Variants in COP1 observed in about 807,000 individuals in gnomAD.
The protein encoded by COP1 is COP1 E3 ubiquitin ligase.
A neutral mutation model predicts 101.3 loss-of-function variants in COP1; 24 were observed. The observed-to-expected ratio is 0.24, with a 90% CI of 0.17 to 0.33. The LOEUF is 0.33. Ranked by LOEUF, COP1 falls within the 10% of genes least tolerant of loss-of-function variation. COP1 has a pLI of 1.00. For missense variants in COP1, 663 were observed against 906.2 expected (o/e 0.73, Z 3.45); for synonymous variants, 347 against 341.9 (o/e 1.01, Z -0.17).
intron 2 of COP1, among the ~76,000 whole-genome samples, chr1:176,180,634 T>C (rs1697614132): frequency 6.6e-6 from 1 of 152,230 alleles, no homozygotes; most frequent in African/African-American, 2.4e-5. Context: ...TATAGATGTA[T>C]ATGGTTGTTT....
intron 15 of COP1, among the ~76,000 whole-genome samples, chr1:176,012,092 GA>G (rs1664788071): frequency 6.6e-6 from 1 of 152,206 alleles, no homozygotes; most frequent in Non-Finnish European, 1.5e-5. Flanking sequence ...GTTGAGGCAG[GA>G]GGACTGCTTG....
At chr1:175,978,207 A>T (rs540468573) in intron 18 of COP1, among the ~76,000 whole-genome samples, 7 of 152,224 alleles carry the variant, frequency 4.6e-5, no homozygotes, top group Non-Finnish European at 1.0e-4. Context: ...AGATTGGCAT[A>T]CACAGAACAC....
chr1:176,032,027 G>C (rs1459598130), intron 14 of COP1, among the ~76,000 whole-genome samples: 1 of 152,164 alleles, frequency 6.6e-6, no homozygotes, highest in Non-Finnish European at 1.5e-5. Context: ...ATGTCTATTT[G>C]CACCAAAGTA....
intron 12 of COP1, among the ~76,000 whole-genome samples, chr1:176,044,541 C>T (rs1006127452): frequency 6.6e-6 from 1 of 152,186 alleles, no homozygotes; most frequent in Non-Finnish European, 1.5e-5. Context: ...TGCATTGATG[C>T]TAAATTCCAG....
intron 8 of COP1, among the ~76,000 whole-genome samples, chr1:176,131,838 T>A (rs545650736): frequency 6.6e-6 from 1 of 151,878 alleles, no homozygotes; most frequent in Non-Finnish European, 1.5e-5. Context: ...TTGAGTGATA[T>A]TCACATCACT....
Position 176,206,815 on chromosome 1 carries a change from G to T in COP1, c.164C>A (p.Ala55Asp), listed in dbSNP as rs1165378081. The T allele has an allele frequency of 5.8e-6, 8 of 1,390,132 alleles. No individual in the cohort carries two copies. The allele number at this position is 1,390,132 out of a possible 1,614,324, so 86.1% of individuals were successfully genotyped here. A position where few individuals can be genotyped will look rare whatever the true frequency, so the allele number is the denominator to read the frequency against. Reference sequence around the variant, plus strand: ...GCCCCCGAGGCCGCCCGAGCCGGCGGCCTGGGCCACCCCGCCGGACACCAG... The same window carrying T: ...GCCCCCGAGGCCGCCCGAGCCGGCGTCCTGGGCCACCCCGCCGGACACCAG... Reference protein sequence around the residue: ...AALVSGGVAQAAGSGGLGGPV... With the variant: ...AALVSGGVAQDAGSGGLGGPV... The change falls in exon 1 of 20, where the codon GCC becomes GAC. Residue 55 changes from alanine to aspartate, a missense_variant. Around this residue, in one of 4 missense-constraint regions of COP1, gnomAD observed 204 missense variants for 203.6 expected, o/e 1.00. Coordinates refer to ENST00000367669, the MANE Select transcript of COP1 (RefSeq NM_022457.7).
chr1:176,131,236 A>G (rs1349688627), intron 8 of COP1, among the ~76,000 whole-genome samples: 1 of 151,850 alleles, frequency 6.6e-6, no homozygotes, highest in Admixed American at 6.6e-5. Flanking sequence ...AAGAAACATC[A>G]TATTTCTGGC....
At chr1:175,991,694 C>T (rs922559427) in intron 15 of COP1, among the ~76,000 whole-genome samples, 1 of 152,082 alleles carries the variant, frequency 6.6e-6, no homozygotes, top group Non-Finnish European at 1.5e-5. Flanking sequence ...TTTACATTTC[C>T]TTATAAGTTA....
At chr1:175,973,293 TA>T (rs1408221525) in intron 18 of COP1, among the ~76,000 whole-genome samples, 2 of 152,228 alleles carry the variant, frequency 1.3e-5, no homozygotes, top group African/African-American at 2.4e-5. Flanking sequence ...GAATTTAAAA[TA>T]AAAGAAGATG....
intron 9 of COP1, among the ~76,000 whole-genome samples, chr1:176,115,402 A>T (rs2149590679): frequency 6.6e-6 from 1 of 152,122 alleles, no homozygotes; most frequent in South Asian, 2.1e-4. Flanking sequence ...GTGAGCCAAG[A>T]TCACACCACT....
At chr1:176,006,678 C>G (rs1663318855) in intron 15 of COP1, among the ~76,000 whole-genome samples, 1 of 152,078 alleles carries the variant, frequency 6.6e-6, no homozygotes. Context: ...ATATTGGCAC[C>G]CACTCTCTTC....
Position 176,180,891 on chromosome 1 carries a change from G to A in COP1, c.467+3742C>T, listed in dbSNP as rs1331181389. ...GTCTCAAAAGGCAATTTGACACTCA[G>A]GCTTGATCACCCACATGCTGGGAGA... On this transcript the variant is annotated intron_variant, in intron 2 of 19. Transcript: ENST00000367669. Among the ~76,000 whole-genome samples, 4 of 152,182 alleles carry A rather than the reference G, an allele frequency of 2.6e-5. No homozygotes were observed. In the East Asian group the frequency reaches 5.8e-4, roughly 22 times the overall value.
chr1:176,075,081 A>T (rs2502827), intron 11 of COP1, among the ~76,000 whole-genome samples: 143,042 of 152,232 alleles, frequency 0.94, 67,647 homozygotes, highest in East Asian at 1. Context: ...AATCCAAGTA[A>T]CACGTCTGGC....
At chr1:176,106,433 C>T (rs544940435) in intron 9 of COP1, among the ~76,000 whole-genome samples, 1 of 151,646 alleles carries the variant, frequency 6.6e-6, no homozygotes, top group Non-Finnish European at 1.5e-5. Context: ...GCCACAAGAT[C>T]AGAAATTATA....
At chr1:175,964,818 A>C (rs1651797719) in intron 18 of COP1, among the ~76,000 whole-genome samples, 1 of 152,226 alleles carries the variant, frequency 6.6e-6, no homozygotes, top group South Asian at 2.1e-4. Context: ...AAGAATAAAA[A>C]TTTGAGGTAA....
At chr1:176,167,986 C>T (rs1170712771) in intron 3 of COP1, among the ~76,000 whole-genome samples, 1 of 151,660 alleles carries the variant, frequency 6.6e-6, no homozygotes, top group African/African-American at 2.4e-5. Context: ...GGATTTTACA[C>T]GTTGCAAGCA....
chr1:175,971,083 T>C (rs1653144844), intron 18 of COP1, among the ~76,000 whole-genome samples: 1 of 152,212 alleles, frequency 6.6e-6, no homozygotes, highest in Non-Finnish European at 1.5e-5. Flanking sequence ...ATTACTGCTA[T>C]TTGATGAATA....
At chr1:176,123,286 T>C (rs1372589065) in intron 8 of COP1, among the ~76,000 whole-genome samples, 1 of 152,146 alleles carries the variant, frequency 6.6e-6, no homozygotes, top group Non-Finnish European at 1.5e-5. Context: ...TGATGGGACT[T>C]CGGTAGGAGA....
chr1:176,104,799 G>C (rs1004786717), intron 9 of COP1, among the ~76,000 whole-genome samples: 1 of 152,062 alleles, frequency 6.6e-6, no homozygotes, highest in Admixed American at 6.6e-5. Context: ...TATTTACACT[G>C]AAAGTACACC....
Sources: gnomAD v4.1 joint callset for allele counts (sites outside exome capture counted in the v4.1 genomes callset) on GRCh38, gnomAD v4.1.1 for gene constraint, gnomAD v4.1.1 regional missense constraint, MANE v1.5 for transcripts, NCBI Gene and HGNC (gene_info 2026-07-23, HGNC 2026-07-21) for gene names.